TMTC2: variants seen among roughly 807,000 people sequenced by gnomAD.
TMTC2 encodes transmembrane O-mannosyltransferase targeting cadherins 2.
In TMTC2, 43 loss-of-function variants were observed where a neutral mutation model predicts 82.4. The ratio of observed to expected loss-of-function variants is 0.52; its 90% CI spans 0.41 to 0.67. The LOEUF is 0.67. Among genes scored for constraint, TMTC2 ranks in the 30% least tolerant of loss-of-function variants. The pLI is 0.00. For missense variants in TMTC2, 919 were observed against 1,012.4 expected (o/e 0.91, Z 1.25); for synonymous variants, 408 against 381.9 (o/e 1.07, Z -0.80).
chr12:82,876,721 G>A (rs541922286), intron 2 of TMTC2, among the ~76,000 whole-genome samples: 13 of 151,652 alleles, frequency 8.6e-5, no homozygotes, highest in African/African-American at 1.5e-4. Flanking sequence ...TTTTCATTTC[G>A]TTTTGTTTTT....
intron 4 of TMTC2, among the ~76,000 whole-genome samples, chr12:82,955,612 A>G (rs1333743475): frequency 6.6e-6 from 1 of 152,204 alleles, no homozygotes; most frequent in Non-Finnish European, 1.5e-5. Context: ...AGGATTTAAA[A>G]GACAACATTT....
At chr12:83,097,304 A>C (rs1884062252) in intron 11 of TMTC2, among the ~76,000 whole-genome samples, 1 of 152,220 alleles carries the variant, frequency 6.6e-6, no homozygotes, top group South Asian at 2.1e-4. Context: ...ACATATGCAC[A>C]CACACAAAAG....
chr12:83,059,949 C>T (rs887768071), intron 10 of TMTC2, among the ~76,000 whole-genome samples: 3 of 151,604 alleles, frequency 2.0e-5, no homozygotes, highest in African/African-American at 4.8e-5. Context: ...TTATTTTCCT[C>T]GGGAGAAAAC....
At chr12:82,808,926 T>A (rs12317951) in intron 1 of TMTC2, among the ~76,000 whole-genome samples, 7,886 of 151,746 alleles carry the variant, frequency 0.052, 265 homozygotes, top group Middle Eastern at 0.14. Flanking sequence ...TAAATTCTTA[T>A]ATAATCTCTT....
At chr12:82,895,378 TG>T (rs1256181200) in intron 2 of TMTC2, among the ~76,000 whole-genome samples, 2 of 152,198 alleles carry the variant, frequency 1.3e-5, no homozygotes, top group South Asian at 4.1e-4. Flanking sequence ...GACTACTTTT[TG>T]TTTTTCTTCA....
At chr12:82,979,118 CT>C (rs1339777126) in intron 7 of TMTC2, among the ~76,000 whole-genome samples, 15 of 151,076 alleles carry the variant, frequency 9.9e-5, no homozygotes, top group East Asian at 7.7e-4. Flanking sequence ...ATTGTTAGGT[CT>C]TTTTTTTCTT....
intron 1 of TMTC2, among the ~76,000 whole-genome samples, chr12:82,845,957 T>G (rs1870641246): frequency 6.9e-6 from 1 of 145,048 alleles, no homozygotes; most frequent in Non-Finnish European, 1.5e-5. Flanking sequence ...TTTTTTTTTT[T>G]GATATTTCCT....
At chr12:83,076,074 G>GT (rs1398618025) in intron 11 of TMTC2, among the ~76,000 whole-genome samples, 1 of 152,234 alleles carries the variant, frequency 6.6e-6, no homozygotes, top group Non-Finnish European at 1.5e-5. Context: ...GCGTGGGCAA[G>GT]TTGCAGCCTA....
chr12:82,924,404 T>C (rs1441787362), intron 3 of TMTC2, among the ~76,000 whole-genome samples: 3 of 152,190 alleles, frequency 2.0e-5, no homozygotes. Context: ...TTCCTTTTTT[T>C]GTGTTTATAC....
At chr12:82,840,729 A>G (rs1273258574) in intron 1 of TMTC2, among the ~76,000 whole-genome samples, 1 of 152,204 alleles carries the variant, frequency 6.6e-6, no homozygotes, top group Non-Finnish European at 1.5e-5. Flanking sequence ...TGGGGTCAGC[A>G]AAAGGCTAAA....
chr12:82,871,132 T>C (rs1872151751), intron 2 of TMTC2, among the ~76,000 whole-genome samples: 1 of 152,184 alleles, frequency 6.6e-6, no homozygotes, highest in Admixed American at 6.5e-5. Flanking sequence ...CTGTGCAATA[T>C]TTTGTTCCAT....
intron 1 of TMTC2, among the ~76,000 whole-genome samples, chr12:82,748,426 C>A (rs976458284): frequency 1.3e-5 from 2 of 152,158 alleles, no homozygotes; most frequent in Admixed American, 6.5e-5. Flanking sequence ...GGAATTGAAT[C>A]CCAGCTTGGC....
At chr12:82,959,278 T>C (rs568878134) in intron 4 of TMTC2, among the ~76,000 whole-genome samples, 1 of 152,278 alleles carries the variant, frequency 6.6e-6, no homozygotes, top group Non-Finnish European at 1.5e-5. Flanking sequence ...TTCAGTGCTA[T>C]TTCTATCAAA....
At chr12:82,912,266 A>C in intron 3 of TMTC2, among the ~76,000 whole-genome samples, 1 of 152,218 alleles carries the variant, frequency 6.6e-6, no homozygotes, top group East Asian at 1.9e-4. Flanking sequence ...ACAAGAACAG[A>C]TTACCCAGGT....
rs1870202892 is a variant in TMTC2 at position 82,839,183 on chromosome 12, A to C, written c.84-17827A>C. Among the ~76,000 whole-genome samples, 3 of 152,162 alleles carry C rather than the reference A, an allele frequency of 2.0e-5. No individual in the cohort carries two copies. In the South Asian group the frequency reaches 6.2e-4, roughly 32 times the overall value. ...GCTTAGAGAGTTGTACTACAGTTTTATTCCCATTAGAAAGATTGAACTTCT... is the reference window on the plus strand; with the variant it reads ...GCTTAGAGAGTTGTACTACAGTTTTCTTCCCATTAGAAAGATTGAACTTCT... On this transcript the variant is annotated intron_variant, in intron 1 of 11. Coordinates refer to ENST00000321196, the MANE Select transcript of TMTC2 (RefSeq NM_152588.3).
chr12:82,862,505 T>G (rs1380027938), intron 2 of TMTC2, among the ~76,000 whole-genome samples: 1 of 152,196 alleles, frequency 6.6e-6, no homozygotes, highest in Admixed American at 6.5e-5. Context: ...TAGTTTGATG[T>G]TTTTAAAATT....
chr12:83,114,038 A>C (rs1005783967), intron 11 of TMTC2, among the ~76,000 whole-genome samples: 5 of 152,164 alleles, frequency 3.3e-5, no homozygotes, highest in African/African-American at 9.7e-5. Flanking sequence ...CCACTCCTGC[A>C]TTAATCCTGC....
At chr12:82,875,791 T>G (rs1218157754) in intron 2 of TMTC2, among the ~76,000 whole-genome samples, 1 of 151,960 alleles carries the variant, frequency 6.6e-6, no homozygotes, top group Admixed American at 6.5e-5. Flanking sequence ...CTTGATTTTT[T>G]TTAATCCTCT....
chr12:83,132,798 G>A lies in TMTC2; in HGVS notation c.*409G>A, dbSNP rs145940119. On this transcript the variant is annotated 3_prime_UTR_variant, in exon 12 of 12. Transcript: ENST00000321196. ...AGGCATGGCAAACAATTAGGGTTAA[G>A]TGTTACGAGGGAGTGATAAACACGT... The A allele has an allele frequency of 5.6e-6, 1 of 179,398 alleles. No individual in the cohort carries two copies. The highest frequency in any genetic ancestry group is 1.1e-5 in the Non-Finnish European group (1 of 86,984). 11.1% of individuals were successfully genotyped at this position (179,398 alleles called of 1,614,324 possible).
Sources: gnomAD v4.1 joint callset for allele counts (sites outside exome capture counted in the v4.1 genomes callset) on GRCh38, gnomAD v4.1.1 for gene constraint, MANE v1.5 for transcripts, NCBI Gene and HGNC (gene_info 2026-07-23, HGNC 2026-07-21) for gene names.